Variants in MRTFB observed in about 807,000 individuals in gnomAD.
The protein encoded by MRTFB is myocardin related transcription factor B, also known as myocardin-related transcription factor B.
In MRTFB, 29 loss-of-function variants were observed where a neutral mutation model predicts 104.2. The ratio of observed to expected loss-of-function variants is 0.28; its 90% confidence interval spans 0.21 to 0.38. The LOEUF (loss-of-function observed/expected upper bound fraction) is 0.38, where lower values mean the gene tolerates loss of function less well. Ranked by LOEUF, MRTFB falls within the 10% of genes least tolerant of loss-of-function variation. The pLI is 1.00. For missense variants in MRTFB, 1,270 were observed against 1,341.6 expected (o/e 0.95, Z 0.83); for synonymous variants, 535 against 519.5 (o/e 1.03, Z -0.41).
At chr16:14,195,269 T>A (rs1567441372) in intron 3 of MRTFB, among the ~76,000 whole-genome samples, 1 of 152,226 alleles carries the variant, frequency 6.6e-6, no homozygotes, top group Non-Finnish European at 1.5e-5. Context: ...CTTTTGTGCG[T>A]GGCAAGGGAT....
chr16:14,257,231 A>G (rs1273443136), intron 15 of MRTFB, among the ~76,000 whole-genome samples: 1 of 152,194 alleles, frequency 6.6e-6, no homozygotes, highest in Non-Finnish European at 1.5e-5. Flanking sequence ...TGATCCGGTC[A>G]TTCCACTCCT....
the MRTFB span, among the ~76,000 whole-genome samples, chr16:14,016,533 G>A: frequency 5.3e-5 from 8 of 152,104 alleles, no homozygotes; most frequent in Non-Finnish European, 1.2e-4. Flanking sequence ...AGTACTTTGG[G>A]AGCCTGAAGT....
At chr16:14,250,864 G>C (rs1438476228) in intron 13 of MRTFB, among the ~76,000 whole-genome samples, 1 of 152,188 alleles carries the variant, frequency 6.6e-6, no homozygotes, top group Non-Finnish European at 1.5e-5. Flanking sequence ...AGAGTTGACT[G>C]ATAGTCCTAT....
intron 2 of MRTFB, among the ~76,000 whole-genome samples, chr16:14,114,588 G>A (rs1048878195): frequency 6.6e-6 from 1 of 152,006 alleles, no homozygotes; most frequent in Non-Finnish European, 1.5e-5. Flanking sequence ...TCTGAGTTTT[G>A]CCTCCCACCC....
upstream of MRTFB, among the ~76,000 whole-genome samples, chr16:14,069,922 C>T (rs1299878987): frequency 6.6e-6 from 1 of 152,228 alleles, no homozygotes; most frequent in Non-Finnish European, 1.5e-5. Flanking sequence ...GTGTGATTTT[C>T]CTTCTTCACC....
intron 8 of MRTFB, among the ~76,000 whole-genome samples, chr16:14,223,967 G>T (rs1329458666): frequency 2.6e-5 from 4 of 152,182 alleles, no homozygotes; most frequent in African/African-American, 9.7e-5. Flanking sequence ...TATGAAAAGA[G>T]GTTTAATTGA....
chr16:14,016,522 C>T, the MRTFB span, among the ~76,000 whole-genome samples: 1 of 152,010 alleles, frequency 6.6e-6, no homozygotes, highest in African/African-American at 2.4e-5. Context: ...CCTGTAATCC[C>T]AGTACTTTGG....
chr16:14,051,618 C>A, the MRTFB span, among the ~76,000 whole-genome samples: 2 of 151,928 alleles, frequency 1.3e-5, no homozygotes, highest in Non-Finnish European at 2.9e-5. Context: ...CACATTCACA[C>A]ACATAGATAT....
intron 2 of MRTFB, among the ~76,000 whole-genome samples, chr16:14,128,555 C>T (rs1420181244): frequency 1.3e-5 from 2 of 152,174 alleles, no homozygotes; most frequent in East Asian, 3.8e-4. Context: ...AGCAAGTGAC[C>T]AAAAGCAAGC....
At chr16:14,072,394 G>A (rs750586591) in intron 1 of MRTFB, among the ~76,000 whole-genome samples, 2 of 152,190 alleles carry the variant, frequency 1.3e-5, no homozygotes, top group Non-Finnish European at 2.9e-5. Flanking sequence ...TCTTGTGCTG[G>A]AAGACAGTAT....
In MRTFB at chr16:14,140,524, C is replaced by T; in HGVS notation, c.-63-20C>T. ...GAAACATAACTGCACCATCTCTTTACACATTCTTTATTTTGGCAGTGTCTT... is the reference window on the plus strand; with the variant it reads ...GAAACATAACTGCACCATCTCTTTATACATTCTTTATTTTGGCAGTGTCTT... On this transcript the variant is annotated intron_variant, in intron 2 of 16. Transcript: ENST00000571589. The T allele has an allele frequency of 2.0e-6, 3 of 1,523,862 alleles. No homozygotes were observed. The highest frequency in any genetic ancestry group is 1.8e-5 in the Admixed American group (1 of 55,214). 94.4% of individuals were successfully genotyped at this position (1,523,862 alleles called of 1,614,324 possible). A position where few individuals can be genotyped will look rare whatever the true frequency, so the allele number is the denominator to read the frequency against.
intron 3 of MRTFB, among the ~76,000 whole-genome samples, chr16:14,191,590 C>T (rs2040186930): frequency 6.6e-6 from 1 of 152,084 alleles, no homozygotes; most frequent in African/African-American, 2.4e-5. Context: ...CCCCCAATAC[C>T]CTGCATCTCA....
chr16:14,188,758 C>T (rs537573420), intron 3 of MRTFB, among the ~76,000 whole-genome samples: 1 of 152,292 alleles, frequency 6.6e-6, no homozygotes, highest in Admixed American at 6.5e-5. Flanking sequence ...ATACCTACTT[C>T]ATAGTGATTT....
intron 8 of MRTFB, among the ~76,000 whole-genome samples, chr16:14,224,332 A>G (rs2041899260): frequency 1.3e-5 from 2 of 152,190 alleles, no homozygotes; most frequent in African/African-American, 4.8e-5. Flanking sequence ...ACAAACCTAG[A>G]TGGTATGGCC....
the MRTFB span, among the ~76,000 whole-genome samples, chr16:14,029,828 G>C: frequency 1.4e-3 from 218 of 152,290 alleles, 1 homozygote; most frequent in African/African-American, 5.1e-3. Flanking sequence ...CCCATGGGCA[G>C]CATCCTCTGG....
chr16:14,174,970 TCTG>T (rs1456897129), intron 3 of MRTFB, among the ~76,000 whole-genome samples: 1 of 152,190 alleles, frequency 6.6e-6, no homozygotes, highest in Non-Finnish European at 1.5e-5. Context: ...TTTGAGCAGT[TCTG>T]CTGCTCAATC....
rs939588408 is a variant in MRTFB, at chr16:14,216,978, T to C, written c.353-148T>C. 9 of 788,196 alleles carry C rather than the reference T, an allele frequency of 1.1e-5. No homozygotes were observed. The African/African-American group carries it at 1.2e-4, about 11-fold the overall frequency. 48.8% of individuals were successfully genotyped at this position (788,196 alleles called of 1,614,324 possible). On this transcript the variant is annotated intron_variant, in intron 6 of 16. Coordinates refer to ENST00000571589, the MANE Select transcript of MRTFB (RefSeq NM_001308142.2). Reference sequence around the variant, plus strand: ...ATACAAAATGCATACTGGAGAATTCTTAAACAGTCATTTTCTCTTTCCATA... The same window carrying C: ...ATACAAAATGCATACTGGAGAATTCCTAAACAGTCATTTTCTCTTTCCATA...
At chr16:14,012,299 C>CTTTTT in the MRTFB span, among the ~76,000 whole-genome samples, 3 of 104,594 alleles carry the variant, frequency 2.9e-5, no homozygotes, top group Admixed American at 3.0e-4. Flanking sequence ...TTCTTTCTTT[C>CTTTTT]TTTTTTTTTT....
At chr16:14,165,533 G>C (rs1360732235) in intron 3 of MRTFB, among the ~76,000 whole-genome samples, 1 of 152,070 alleles carries the variant, frequency 6.6e-6, no homozygotes, top group Non-Finnish European at 1.5e-5. Flanking sequence ...TCTGTACCCT[G>C]TGCTCCAGCC....
Sources: gnomAD v4.1 joint callset for allele counts (sites outside exome capture counted in the v4.1 genomes callset) on GRCh38, gnomAD v4.1.1 for gene constraint, MANE v1.5 for transcripts, NCBI Gene and HGNC (gene_info 2026-07-23, HGNC 2026-07-21) for gene names.